Variants in FBXW7 observed in about 807,000 individuals in gnomAD.
FBXW7 encodes the protein F-box and WD repeat domain containing 7.
Under a neutral mutation model 86.3 loss-of-function variants are expected in FBXW7, and 11 were observed. That is an observed-to-expected ratio of 0.13 (90% CI 0.08 to 0.21). The LOEUF (loss-of-function observed/expected upper bound fraction) is 0.21. Among genes scored for constraint, FBXW7 ranks in the 10% least tolerant of loss-of-function variants. The probability of loss-of-function intolerance (pLI) is 1.00; values close to 1 mark genes in which losing one functional copy is unlikely to be tolerated. For missense variants in FBXW7, 488 were observed against 847.4 expected (o/e 0.58, Z 5.27); for synonymous variants, 313 against 297.9 (o/e 1.05, Z -0.52).
At chr4:152,359,644 CA>C in intron 4 of FBXW7, among the ~76,000 whole-genome samples, 1 of 151,602 alleles carries the variant, frequency 6.6e-6, no homozygotes, top group Non-Finnish European at 1.5e-5. Flanking sequence ...AAAACAACAA[CA>C]AAAACCACGA....
At chr4:152,462,884 A>G (rs916013957) in intron 2 of FBXW7, among the ~76,000 whole-genome samples, 4 of 151,520 alleles carry the variant, frequency 2.6e-5, no homozygotes, top group African/African-American at 7.3e-5. Flanking sequence ...TCATCAGACA[A>G]GAATTTGAAG....
intron 4 of FBXW7, among the ~76,000 whole-genome samples, chr4:152,393,256 A>G (rs913930990): frequency 2.0e-5 from 3 of 152,124 alleles, no homozygotes; most frequent in African/African-American, 7.2e-5. Context: ...AATACATTCA[A>G]TGGTAAGCTG....
chr4:152,373,642 C>T (rs1320453545), intron 4 of FBXW7, among the ~76,000 whole-genome samples: 1 of 152,026 alleles, frequency 6.6e-6, no homozygotes, highest in Non-Finnish European at 1.5e-5. Context: ...ACTTAGCAAA[C>T]ATCTTCATGT....
chr4:152,385,831 T>A (rs1735477908), intron 4 of FBXW7, among the ~76,000 whole-genome samples: 3 of 152,052 alleles, frequency 2.0e-5, no homozygotes, highest in Admixed American at 2.0e-4. Flanking sequence ...TGTAACAGAA[T>A]CCTGTGTTTG....
chr4:152,432,839 A>C (rs1409902001), intron 2 of FBXW7, among the ~76,000 whole-genome samples: 1 of 152,170 alleles, frequency 6.6e-6, no homozygotes, highest in Non-Finnish European at 1.5e-5. Flanking sequence ...GAATATTTTC[A>C]TCACTCCATA....
At chr4:152,457,418 G>A (rs7684217) in intron 2 of FBXW7, among the ~76,000 whole-genome samples, 163 of 151,762 alleles carry the variant, frequency 1.1e-3, no homozygotes, top group Non-Finnish European at 1.5e-3. Context: ...CGAGGCAGGC[G>A]GATCACGAGG....
intron 4 of FBXW7, among the ~76,000 whole-genome samples, chr4:152,396,702 T>G (rs1476160535): frequency 6.6e-6 from 1 of 152,052 alleles, no homozygotes; most frequent in Non-Finnish European, 1.5e-5. Context: ...CTCATTTCAT[T>G]ACCTGTGCAA....
rs187705694 is a variant in FBXW7 at position 152,353,719 on chromosome 4, T to C, written c.502-3595A>G. Among the ~76,000 whole-genome samples the C allele has an allele frequency of 2.4e-4, 37 of 152,312 alleles. 1 individual carries two copies. In the East Asian group the frequency reaches 7.1e-3, roughly 29 times the overall value. On this transcript the variant is annotated intron_variant, in intron 4 of 13. Coordinates refer to ENST00000281708, the MANE Select transcript of FBXW7 (RefSeq NM_001349798.2). ...AAAAAGGCATTTTACATAATAAAGA[T>C]GCCAAAGTTTGCCAGAAGGCAACAT...
intron 7 of FBXW7, among the ~76,000 whole-genome samples, chr4:152,334,519 C>T (rs1010589777): frequency 6.6e-6 from 1 of 152,114 alleles, no homozygotes. Flanking sequence ...TATCTAAAAA[C>T]AGAAAAAGTC....
chr4:152,493,385 G>A (rs996893683), intron 2 of FBXW7, among the ~76,000 whole-genome samples: 5 of 151,978 alleles, frequency 3.3e-5, no homozygotes, highest in African/African-American at 9.7e-5. Context: ...GGCTGGTCTC[G>A]AACTCCTGAC....
At chr4:152,523,356 CAATA>C (rs1241758209) in intron 2 of FBXW7, among the ~76,000 whole-genome samples, 1 of 151,858 alleles carries the variant, frequency 6.6e-6, no homozygotes, top group East Asian at 1.9e-4. Flanking sequence ...TATCAGTTAA[CAATA>C]AATAAAGGGT....
intron 4 of FBXW7, among the ~76,000 whole-genome samples, chr4:152,360,936 G>C (rs1373608643): frequency 6.6e-6 from 1 of 151,188 alleles, no homozygotes; most frequent in Non-Finnish European, 1.5e-5. Flanking sequence ...TTAAAATATA[G>C]GCATCTCTTC....
chr4:152,401,902 G>A (rs941195978), intron 4 of FBXW7, among the ~76,000 whole-genome samples: 6 of 152,092 alleles, frequency 3.9e-5, no homozygotes, highest in African/African-American at 1.2e-4. Context: ...AAAACATTTC[G>A]CAGACCTCAA....
intron 2 of FBXW7, among the ~76,000 whole-genome samples, chr4:152,425,445 TA>T (rs1739295868): frequency 6.6e-6 from 1 of 152,180 alleles, no homozygotes; most frequent in Non-Finnish European, 1.5e-5. Flanking sequence ...ATACCCACCT[TA>T]AATATTGTAT....
At chr4:152,393,980 G>A (rs1334894367) in intron 4 of FBXW7, among the ~76,000 whole-genome samples, 1 of 151,964 alleles carries the variant, frequency 6.6e-6, no homozygotes, top group Non-Finnish European at 1.5e-5. Context: ...ATAATTAGAG[G>A]TTAAAGTTTA....
At chr4:152,533,914 A>G (rs1750233501) in intron 2 of FBXW7, among the ~76,000 whole-genome samples, 1 of 152,254 alleles carries the variant, frequency 6.6e-6, no homozygotes, top group Non-Finnish European at 1.5e-5. Flanking sequence ...AGTATCTCTC[A>G]GCAGTGGCTT....
intron 4 of FBXW7, among the ~76,000 whole-genome samples, chr4:152,362,188 T>C (rs778269948): frequency 1.3e-4 from 20 of 152,078 alleles, no homozygotes; most frequent in South Asian, 4.1e-4. Flanking sequence ...TATGAACAAG[T>C]GCATATAGCT....
intron 4 of FBXW7, among the ~76,000 whole-genome samples, chr4:152,367,255 C>A (rs1296529117): frequency 6.6e-6 from 1 of 151,918 alleles, no homozygotes; most frequent in African/African-American, 2.4e-5. Context: ...TGCACATGTA[C>A]CCTAGAACTT....
intron 6 of FBXW7, among the ~76,000 whole-genome samples, chr4:152,341,764 T>C (rs1404775906): frequency 2.0e-5 from 3 of 152,222 alleles, no homozygotes; most frequent in Non-Finnish European, 2.9e-5. Flanking sequence ...AAGGGACATA[T>C]ACATTAACAT....
Sources: allele counts gnomAD v4.1 joint callset (sites outside exome capture counted in the v4.1 genomes callset), GRCh38; gene constraint gnomAD v4.1.1; transcripts MANE v1.5; gene names NCBI Gene and HGNC (gene_info 2026-07-23, HGNC 2026-07-21).